The following CCDC157 variants were observed in gnomAD, a reference collection of about 807,000 sequenced individuals.
CCDC157 encodes coiled-coil domain containing 157.
In CCDC157, 60 loss-of-function variants were observed where a neutral mutation model predicts 70.9. The observed-to-expected ratio is 0.85, with a 90% CI of 0.69 to 1.05. The LOEUF is 1.05. Ranked by LOEUF, CCDC157 falls within the 50% of genes least tolerant of loss-of-function variation. The probability of loss-of-function intolerance (pLI) is 0.00; values close to 1 mark genes in which losing one functional copy is unlikely to be tolerated. For missense variants in CCDC157, 943 were observed against 984.2 expected (o/e 0.96, Z 0.56); for synonymous variants, 373 against 422.4 (o/e 0.88, Z 1.43).
In CCDC157 at chr22:30,373,711, G is replaced by A. The variant is rs764865342; in HGVS notation, c.1450G>A (p.Glu484Lys). ...EAEAQRARVE[E>K]QLQSEREQGQ... ...TGAGGCCCAGCGGGCCCGCGTGGAG[G>A]AGCAGCTGCAGAGCGAGCGGGAGCA... Residue 484 changes from glutamate to lysine, a missense_variant, in exon 8 of 12, where the codon GAG becomes AAG. Transcript: ENST00000338306. 2 of 1,553,502 alleles carry A rather than the reference G, an allele frequency of 1.3e-6. No homozygotes were observed. The highest frequency in any genetic ancestry group is 1.7e-6 in the Non-Finnish European group (2 of 1,148,894).
At position 30,358,382 on chromosome 22, in the gene CCDC157, G is replaced by A. The variant is rs114757925; in HGVS notation, c.-166+1250G>A. Among the ~76,000 whole-genome samples the A allele has an allele frequency of 3.0e-3, 464 of 152,364 alleles. 1 individual carries two copies. Among genetic ancestry groups the A allele is most frequent in the African/African-American group, 0.011 (441 of 41,582 alleles). On this transcript the variant is annotated intron_variant, in intron 1 of 11. Transcript: ENST00000338306. ...ACAAATGAGGACAGTGAAGTTTGGA[G>A]TTGGTAGAGTGGGAATGCAAGTTCA...
intron 3 of CCDC157, among the ~76,000 whole-genome samples, chr22:30,368,011 A>G (rs1932791307): frequency 1.3e-5 from 2 of 152,230 alleles, no homozygotes; most frequent in Non-Finnish European, 2.9e-5. Context: ...AGATCGTGCC[A>G]TTGCACTCCA....
chr22:30,373,463 T>C (rs1933088993), intron 7 of CCDC157, 134 bp from the exon 8 acceptor site: 1 of 937,738 alleles, frequency 1.1e-6, no homozygotes, highest in East Asian at 2.7e-5. Flanking sequence ...GTGACCAGCA[T>C]TCCCTAGACA....
rs1421902665 is a variant in CCDC157 at position 30,370,745 on chromosome 22, G to C, written c.840G>C (p.Arg280Ser). ...ATVGRWAAEQ[R>S]KDLTRLSKHV... Reference sequence around the variant, plus strand: ...TGGGCCGCTGGGCAGCAGAGCAGAGGAAAGACCTGACGCGCCTCAGTAAGC... The same window carrying C: ...TGGGCCGCTGGGCAGCAGAGCAGAGCAAAGACCTGACGCGCCTCAGTAAGC... The change falls in exon 5 of 12, where the codon AGG (arginine) becomes AGC (serine). Residue 280 changes from arginine (R) to serine (S), a missense_variant. Coordinates refer to ENST00000338306, the MANE Select transcript of CCDC157 (RefSeq NM_001017437.5). 6.2e-7 allele frequency: 1 copy of C among 1,613,480 alleles called. No homozygotes were observed. Among genetic ancestry groups the C allele is most frequent in the African/African-American group, 1.3e-5 (1 of 74,958 alleles).
At chr22:30,356,905 C>G, upstream of CCDC157, 1 of 944,170 alleles carries the variant, frequency 1.1e-6, no homozygotes, top group Non-Finnish European at 1.4e-6. Flanking sequence ...GGCGGCCGAG[C>G]GAGTTGCGGC....
intron 2 of CCDC157, among the ~76,000 whole-genome samples, chr22:30,362,829 G>GT (rs1354526189): frequency 2.6e-5 from 4 of 152,188 alleles, no homozygotes; most frequent in African/African-American, 9.7e-5. Context: ...CCTAGTCGAG[G>GT]GCTAAGCCAG....
At chr22:30,375,732 C>A in intron 10 of CCDC157, 69 bp downstream of exon 10, 1 of 1,409,850 alleles carries the variant, frequency 7.1e-7, no homozygotes, top group Non-Finnish European at 9.6e-7. Context: ...TCTTCAGACT[C>A]TGCCCCGGGA....
chr22:30,357,653 C>G (rs1212297304), intron 1 of CCDC157, among the ~76,000 whole-genome samples: 2 of 149,694 alleles, frequency 1.3e-5, no homozygotes, highest in Non-Finnish European at 3.0e-5. Flanking sequence ...TACAGGCGCC[C>G]ACCACACCCG....
At chr22:30,360,718 C>A (rs527809389) in intron 1 of CCDC157, among the ~76,000 whole-genome samples, 1 of 152,036 alleles carries the variant, frequency 6.6e-6, no homozygotes, top group African/African-American at 2.4e-5. Context: ...TGGAGACCAG[C>A]CTGACCAATA....
intron 5 of CCDC157, 78 bp downstream of exon 5, chr22:30,371,028 C>G (rs1932916378): frequency 1.3e-6 from 2 of 1,482,002 alleles, no homozygotes; most frequent in Non-Finnish European, 1.8e-6. Flanking sequence ...TGAGACAGGG[C>G]TTCCAGGGCA....
At position 30,378,199 on chromosome 22, in the gene CCDC157, C is replaced by G. The variant is rs555754216; in HGVS notation, c.*1454C>G. 14 of 470,226 alleles carry G rather than the reference C, an allele frequency of 3.0e-5. No homozygotes were observed. The highest frequency in any genetic ancestry group is 2.0e-4 in the South Asian group (13 of 64,522). The allele number at this position is 470,226 out of a possible 1,614,324, so 29.1% of individuals were successfully genotyped here. A position where few individuals can be genotyped will look rare whatever the true frequency, so the allele number is the denominator to read the frequency against. ...GCTGAATCCCCCACATGCTTCAAATCCCTGACTTCCTCCTCTTCTACCAGC... is the reference window on the plus strand; with the variant it reads ...GCTGAATCCCCCACATGCTTCAAATGCCTGACTTCCTCCTCTTCTACCAGC... On this transcript the variant is annotated 3_prime_UTR_variant, in exon 12 of 12. Transcript: ENST00000338306.
intron 7 of CCDC157, chr22:30,373,304 A>C: frequency 2.3e-6 from 1 of 439,236 alleles, no homozygotes; most frequent in Non-Finnish European, 4.1e-6. Flanking sequence ...GGGTCTGTGT[A>C]TGACTGGAAG....
At position 30,375,668 on chromosome 22, in the gene CCDC157, G is replaced by A. The variant is rs1247164401; in HGVS notation, c.1857+5G>A. 1.9e-6 allele frequency: 3 copies of A among 1,607,410 alleles called. No homozygotes were observed. In the South Asian group the frequency reaches 3.3e-5, roughly 18 times the overall value. ...GCCCAGCAGGGTGGCCTCAAGGTGG[G>A]CCTGAGAGGGCGGGCCCTTGGGGAC... On this transcript the variant is annotated splice_donor_5th_base_variant and intron_variant, in intron 10 of 11. Coordinates refer to ENST00000338306, the MANE Select transcript of CCDC157 (RefSeq NM_001017437.5).
chr22:30,356,969 T>G (rs1002411687), upstream of CCDC157: 1 of 490,824 alleles, frequency 2.0e-6, no homozygotes, highest in Non-Finnish European at 3.2e-6. Flanking sequence ...GTGACGCGCT[T>G]CCCGCCCCTC....
chr22:30,365,928 G>T (rs1401461765), intron 2 of CCDC157, 62 bp from the exon 3 acceptor site: 23 of 1,461,636 alleles, frequency 1.6e-5, no homozygotes, highest in Non-Finnish European at 1.7e-5. Context: ...GGGTTTCAGG[G>T]AGTTTCCTCC....
intron 2 of CCDC157, among the ~76,000 whole-genome samples, chr22:30,362,969 A>G (rs1932456022): frequency 6.6e-6 from 1 of 152,172 alleles, no homozygotes; most frequent in East Asian, 1.9e-4. Flanking sequence ...ATGCTGCCCA[A>G]GCAGCCCCTG....
At chr22:30,364,625 A>C (rs942871311) in intron 2 of CCDC157, among the ~76,000 whole-genome samples, 4 of 152,160 alleles carry the variant, frequency 2.6e-5, no homozygotes, top group African/African-American at 9.6e-5. Flanking sequence ...CAACATGGAG[A>C]AACTCTATCT....
upstream of CCDC157, chr22:30,356,821 C>G (rs1281765795): frequency 7.5e-7 from 1 of 1,326,112 alleles, no homozygotes; most frequent in Non-Finnish European, 9.7e-7. Context: ...TGCCAGTCCG[C>G]CTCGGTGTCG....
intron 7 of CCDC157, 184 bp from the exon 8 acceptor site, chr22:30,373,413 C>T: frequency 1.6e-6 from 1 of 637,996 alleles, no homozygotes; most frequent in Non-Finnish European, 2.7e-6. Flanking sequence ...TGTGCATCTG[C>T]CTGCTGCCAG....
Sources: allele counts gnomAD v4.1 joint callset (sites outside exome capture counted in the v4.1 genomes callset), GRCh38; gene constraint gnomAD v4.1.1; transcripts MANE v1.5; gene names NCBI Gene and HGNC (gene_info 2026-07-23, HGNC 2026-07-21).